The following ELP3 variants were observed in gnomAD, a reference collection of about 807,000 sequenced individuals.
ELP3 encodes elongator acetyltransferase complex subunit 3, also known as elongator complex protein 3.
A neutral mutation model predicts 74.9 loss-of-function variants in ELP3; 56 were observed. The ratio of observed to expected loss-of-function variants is 0.75; its 90% CI spans 0.60 to 0.93. ELP3 has a LOEUF of 0.93. Among genes scored for constraint, ELP3 ranks in the 40% least tolerant of loss-of-function variants. ELP3 has a pLI of 0.00. For synonymous variants in ELP3, 222 were observed against 239.8 expected (o/e 0.93, Z 0.68); for missense variants, 573 against 686.5 (o/e 0.83, Z 1.85).
At chr8:28,146,933 A>G (rs76468320) in intron 10 of ELP3, among the ~76,000 whole-genome samples, 3,271 of 152,318 alleles carry the variant, frequency 0.021, 127 homozygotes, top group African/African-American at 0.074. Context: ...CTCTGTTACC[A>G]GGTCCTCACT....
intron 1 of ELP3, among the ~76,000 whole-genome samples, chr8:28,096,629 T>G (rs1811263937): frequency 6.6e-6 from 1 of 152,248 alleles, no homozygotes; most frequent in Admixed American, 6.5e-5. Context: ...TGCCTTTGGA[T>G]GAGACCGAGA....
At chr8:28,189,533 T>C (rs2130630195) in intron 14 of ELP3, 116 bp from the exon 15 acceptor site, 1 of 841,090 alleles carries the variant, frequency 1.2e-6, no homozygotes, top group Non-Finnish European at 2.0e-6. Flanking sequence ...TGAGATTTTA[T>C]GTGGGAGAGA....
intron 13 of ELP3, among the ~76,000 whole-genome samples, chr8:28,161,022 A>G (rs369751388): frequency 1.7e-4 from 26 of 152,256 alleles, no homozygotes; most frequent in Admixed American, 5.2e-4. Context: ...AAAGTAAGAA[A>G]TCGTCTAATA....
At chr8:28,177,641 G>A (rs1814814558) in intron 14 of ELP3, among the ~76,000 whole-genome samples, 1 of 152,244 alleles carries the variant, frequency 6.6e-6, no homozygotes, top group African/African-American at 2.4e-5. Context: ...CTGTGAGAAT[G>A]TGATGTGGGC....
Position 28,134,408 on chromosome 8 carries a change from T to C in ELP3, c.906+2004T>C, listed in dbSNP as rs75297746. On this transcript the variant is annotated intron_variant, in intron 9 of 14. Transcript: ENST00000256398. ...TTGTTTGTAGTCTTTGCAGGGAAAC[T>C]CACAGGGAATATGAGTGGATCATAT... Among the ~76,000 whole-genome samples, 1,170 of 152,308 alleles carry C rather than the reference T, an allele frequency of 7.7e-3. 21 individuals carry two copies. The highest frequency in any genetic ancestry group is 0.026 in the African/African-American group (1,087 of 41,560).
intron 12 of ELP3, 72 bp downstream of exon 12, chr8:28,158,705 C>A: frequency 2.4e-6 from 3 of 1,241,082 alleles, no homozygotes; most frequent in Non-Finnish European, 3.6e-6. Context: ...CCCACATATT[C>A]TTAACCAAGG....
chr8:28,170,835 T>C (rs1036920981), intron 14 of ELP3, among the ~76,000 whole-genome samples: 1 of 152,198 alleles, frequency 6.6e-6, no homozygotes, highest in African/African-American at 2.4e-5. Context: ...ATTTCTAAAA[T>C]TTTTAACACC....
intron 10 of ELP3, among the ~76,000 whole-genome samples, chr8:28,140,160 T>G (rs1195351465): frequency 6.8e-6 from 1 of 147,674 alleles, no homozygotes; most frequent in Non-Finnish European, 1.5e-5. Context: ...GTGTGTTTTA[T>G]AGCAATCAGT....
At chr8:28,157,498 T>G (rs551554712) in intron 11 of ELP3, among the ~76,000 whole-genome samples, 1 of 152,256 alleles carries the variant, frequency 6.6e-6, no homozygotes, top group South Asian at 2.1e-4. Context: ...CAGCAAAGCA[T>G]TGTCTTGAGC....
chr8:28,172,843 A>G (rs1814585026), intron 14 of ELP3, among the ~76,000 whole-genome samples: 1 of 152,064 alleles, frequency 6.6e-6, no homozygotes, highest in African/African-American at 2.4e-5. Context: ...TGTTTTTATC[A>G]TGAATGGGTT....
rs555237372 is a variant in ELP3 at position 28,148,066 on chromosome 8, A to T, written c.1101-7876A>T. Among the ~76,000 whole-genome samples the T allele has an allele frequency of 6.6e-3, 1,012 of 152,334 alleles. 7 individuals are homozygous for T. The highest frequency in any genetic ancestry group is 0.023 in the African/African-American group (972 of 41,574). ...AGGAAAGAAGGGAAAAGTCTTCCTT[A>T]CATACAAGGTCAACTAGTAAATATA... On this transcript the variant is annotated intron_variant, in intron 10 of 14. Transcript: ENST00000256398.
At chr8:28,181,695 A>G (rs1384415174) in intron 14 of ELP3, among the ~76,000 whole-genome samples, 1 of 152,164 alleles carries the variant, frequency 6.6e-6, no homozygotes, top group Non-Finnish European at 1.5e-5. Context: ...GAGTGGGCCT[A>G]CCCCATCACA....
At chr8:28,132,471 T>C in intron 9 of ELP3, 67 bp downstream of exon 9, 2 of 1,601,000 alleles carry the variant, frequency 1.2e-6, no homozygotes, top group South Asian at 1.1e-5. Context: ...TCTGGTCTTG[T>C]TGCTTGTTCA....
intron 14 of ELP3, 83 bp from the exon 15 acceptor site, chr8:28,189,566 A>C (rs1815374241): frequency 6.2e-6 from 8 of 1,299,576 alleles, no homozygotes; most frequent in Non-Finnish European, 7.8e-6. Flanking sequence ...GGTGGGAGAG[A>C]GTGTAAGGCT....
rs1351700086 is a variant in ELP3 at position 28,151,327 on chromosome 8, C to T, written c.1101-4615C>T. Among the ~76,000 whole-genome samples, 3 of 152,034 alleles carry T rather than the reference C, an allele frequency of 2.0e-5. No homozygotes were observed. In the East Asian group the frequency reaches 5.8e-4, roughly 29 times the overall value. On this transcript the variant is annotated intron_variant, in intron 10 of 14. Transcript: ENST00000256398. ...AGATTTCCATCTTTCTGCTTACATT[C>T]CCCTCTGTCCTTAAATTCTAGCTAC...
intron 7 of ELP3, among the ~76,000 whole-genome samples, chr8:28,126,640 G>A (rs1812588554): frequency 6.6e-6 from 1 of 152,198 alleles, no homozygotes. Context: ...TACTGAAGGA[G>A]AGCCATGCTT....
intron 1 of ELP3, 32 bp from the exon 2 acceptor site, chr8:28,097,187 A>G (rs751566242): frequency 6.8e-7 from 1 of 1,464,032 alleles, no homozygotes; most frequent in Non-Finnish European, 9.5e-7. Context: ...GAATGATACG[A>G]TTTTTGACAT....
intron 14 of ELP3, among the ~76,000 whole-genome samples, chr8:28,179,215 A>T (rs1272033690): frequency 1.3e-5 from 2 of 152,236 alleles, no homozygotes; most frequent in Non-Finnish European, 2.9e-5. Flanking sequence ...TAACAAGGGC[A>T]ACTGTATATT....
intron 10 of ELP3, among the ~76,000 whole-genome samples, chr8:28,140,114 T>TTGTGTGTGTGTGTGTG (rs56981709): frequency 4.9e-5 from 7 of 143,692 alleles, no homozygotes; most frequent in African/African-American, 1.5e-4. Flanking sequence ...TGTACATATT[T>TTGTGTGTGTGTGTGTG]TGTGTGTGTG....
Sources: allele counts gnomAD v4.1 joint callset (sites outside exome capture counted in the v4.1 genomes callset), GRCh38; gene constraint gnomAD v4.1.1; transcripts MANE v1.5; gene names NCBI Gene and HGNC (gene_info 2026-07-23, HGNC 2026-07-21).